Variants in IPP observed in about 807,000 individuals in gnomAD.
IPP encodes the protein intracisternal A particle-promoted polypeptide, also known as actin-binding protein IPP.
IPP carries 41 observed loss-of-function variants against 64.1 expected under a neutral mutation model. The observed-to-expected ratio is 0.64, with a 90% CI of 0.50 to 0.83. The LOEUF is 0.83. Among genes scored for constraint, IPP ranks in the 40% least tolerant of loss-of-function variants. The probability of loss-of-function intolerance (pLI) is 0.00; values close to 1 mark genes in which losing one functional copy is unlikely to be tolerated. For missense variants in IPP, 649 were observed against 703.0 expected (o/e 0.92, Z 0.87); for synonymous variants, 214 against 235.2 (o/e 0.91, Z 0.83).
intron 2 of IPP, among the ~76,000 whole-genome samples, chr1:45,744,068 G>A (rs1646102396): frequency 6.7e-6 from 1 of 150,278 alleles, no homozygotes; most frequent in Non-Finnish European, 1.5e-5. Flanking sequence ...AGAACTTTAA[G>A]ACAGAAAAAC....
intron 8 of IPP, among the ~76,000 whole-genome samples, chr1:45,703,075 G>A (rs1395643079): frequency 1.3e-5 from 2 of 151,856 alleles, no homozygotes; most frequent in African/African-American, 4.8e-5. Flanking sequence ...GATTTAAGAA[G>A]TAAAACAATC....
intron 3 of IPP, among the ~76,000 whole-genome samples, chr1:45,733,393 C>T (rs1466577704): frequency 6.6e-6 from 1 of 151,486 alleles, no homozygotes; most frequent in Non-Finnish European, 1.5e-5. Context: ...ACCACTGACT[C>T]CAGCCTGGGT....
At position 45,740,967 on chromosome 1, in the gene IPP, C is replaced by A; in HGVS notation, c.658G>T (p.Val220Leu). The A allele has an allele frequency of 6.2e-7, 1 of 1,613,810 alleles. No homozygotes were observed. Among genetic ancestry groups the A allele is most frequent in the Non-Finnish European group, 8.5e-7 (1 of 1,179,824 alleles). Reference sequence around the variant, plus strand: ...AATCGAATTGGGTCTAGCACTTCCACCACATGTTTTCTTCTTTTTCCCAAA... The same window carrying A: ...AATCGAATTGGGTCTAGCACTTCCAACACATGTTTTCTTCTTTTTCCCAAA... Reference protein sequence around the residue: ...KDLGKRRKHVVEVLDPIRFPL... With the variant: ...KDLGKRRKHVLEVLDPIRFPL... Residue 220 changes from valine (V) to leucine (L), a missense_variant, in exon 3 of 9, where the codon GTG (valine) becomes TTG (leucine). Val to Leu is a conservative substitution (Grantham distance 32). Transcript: ENST00000396478.
intron 1 of IPP, among the ~76,000 whole-genome samples, chr1:45,750,387 G>T (rs886076118): frequency 1.3e-5 from 2 of 152,244 alleles, no homozygotes; most frequent in African/African-American, 4.8e-5. Context: ...TGGGGCGGGG[G>T]AGGCAGGAGC....
chr1:45,699,622 T>C lies in IPP; in HGVS notation c.*344A>G. 1 of 1,034,998 alleles carries C rather than the reference T, an allele frequency of 9.7e-7. No homozygotes were observed. The highest frequency in any genetic ancestry group is 1.2e-6 in the Non-Finnish European group (1 of 858,488). 64.1% of individuals were successfully genotyped at this position (1,034,998 alleles called of 1,614,324 possible). On this transcript the variant is annotated 3_prime_UTR_variant, in exon 9 of 9. Coordinates refer to ENST00000396478, the MANE Select transcript of IPP (RefSeq NM_005897.3). ...TCTTTATTAATTGGGATATATTCCA[T>C]ATCCATTCTCACTCATATTTTTAGA...
intron 5 of IPP, 33 bp from the exon 6 acceptor site, chr1:45,719,373 G>C (rs1413454390): frequency 2.1e-6 from 3 of 1,432,314 alleles, no homozygotes; most frequent in Non-Finnish European, 2.9e-6. Context: ...ATATTATAAA[G>C]TTTAGTAATG....
chr1:45,700,264 G>T (rs959355675), intron 8 of IPP, 74 bp from the exon 9 acceptor site: 21 of 1,515,004 alleles, frequency 1.4e-5, no homozygotes, highest in Non-Finnish European at 1.7e-5. Context: ...TGAGAAATTC[G>T]ATATCCCAGT....
chr1:45,735,681 G>C (rs1211086282), intron 3 of IPP, among the ~76,000 whole-genome samples: 21 of 139,378 alleles, frequency 1.5e-4, no homozygotes, highest in Non-Finnish European at 1.5e-5. Context: ...CCAGGCTGGA[G>C]TGCAGTGGTG....
chr1:45,739,242 G>A (rs982706436), intron 3 of IPP, among the ~76,000 whole-genome samples: 9 of 152,050 alleles, frequency 5.9e-5, no homozygotes, highest in Non-Finnish European at 1.0e-4. Context: ...CATGACAAGA[G>A]TAAAAACTTC....
intron 8 of IPP, 134 bp from the exon 9 acceptor site, chr1:45,700,324 A>T: frequency 7.7e-7 from 1 of 1,295,580 alleles, no homozygotes. Flanking sequence ...AAGCATACAG[A>T]TTTTTTTTTC....
chr1:45,709,033 C>CAAAAAAAA (rs71058700), intron 8 of IPP, among the ~76,000 whole-genome samples: 1 of 58,164 alleles, frequency 1.7e-5, no homozygotes. Context: ...GACTCCATCT[C>CAAAAAAAA]AAAAAAAAAA....
intron 1 of IPP, among the ~76,000 whole-genome samples, chr1:45,750,123 T>A (rs1570070608): frequency 6.6e-6 from 1 of 152,226 alleles, no homozygotes; most frequent in South Asian, 2.1e-4. Context: ...GTTTGCTGGC[T>A]TTGAATTCAC....
chr1:45,700,007 T>C lies in IPP; in HGVS notation c.1714A>G (p.Met572Val), dbSNP rs775770490. The C allele has an allele frequency of 1.2e-6, 2 of 1,614,226 alleles. No homozygotes were observed. The change falls in exon 9 of 9, where the codon ATG (methionine) becomes GTG (valine). Residue 572 changes from methionine to valine, a missense_variant. Met to Val is a conservative substitution (Grantham distance 21). Coordinates refer to ENST00000396478, the MANE Select transcript of IPP (RefSeq NM_005897.3). ...HSDTWTEIGN[M>V]ITSRCEGGVA... ...CCCCCTTCACAACGACTGGTGATCA[T>C]GTTACCAATTTCTGTCCATGTATCT...
At chr1:45,726,007 A>T (rs1159835450) in intron 5 of IPP, among the ~76,000 whole-genome samples, 1 of 145,968 alleles carries the variant, frequency 6.9e-6, no homozygotes, top group East Asian at 2.0e-4. Context: ...TCACTTGTTT[A>T]TCTGCTGACC....
chr1:45,726,038 T>A (rs1297748569), intron 5 of IPP, among the ~76,000 whole-genome samples: 1 of 146,638 alleles, frequency 6.8e-6, no homozygotes, highest in Non-Finnish European at 1.5e-5. Flanking sequence ...TATTGTCCTA[T>A]GACCCTGCCA....
In IPP at chr1:45,716,985, T is replaced by C. The variant is rs1645668108; in HGVS notation, c.1219A>G (p.Ile407Val). ...GWVGAEIGNT[I>V]ERFDPDENKW... is the part of the protein sequence containing the mutation. The stretch of plus-strand genomic sequence containing the variant: ...TTTTCATCAGGATCAAATCGTTCAA[T>C]GGTGTTCCCTATCTCAGCTCCAACC... Residue 407 changes from isoleucine to valine, a missense_variant, in exon 7 of 9, where the codon ATT becomes GTT. Coordinates refer to ENST00000396478, the MANE Select transcript of IPP (RefSeq NM_005897.3). 1 of 1,613,272 alleles carries C rather than the reference T, an allele frequency of 6.2e-7. No homozygotes were observed. The highest frequency in any genetic ancestry group is 1.3e-5 in the African/African-American group (1 of 74,910).
intron 6 of IPP, among the ~76,000 whole-genome samples, chr1:45,718,080 TAATC>T (rs763386753): frequency 1.3e-4 from 20 of 152,186 alleles, no homozygotes; most frequent in Non-Finnish European, 2.2e-4. Flanking sequence ...GTTACACAGA[TAATC>T]AAAGTAGAAT....
downstream of IPP, among the ~76,000 whole-genome samples, chr1:45,695,274 C>T (rs528668185): frequency 6.6e-6 from 1 of 152,292 alleles, no homozygotes; most frequent in African/African-American, 2.4e-5. Flanking sequence ...AAGCAATTCT[C>T]CCACCTCAGC....
chr1:45,694,455 T>C (rs1281350001), downstream of IPP: 10 of 1,541,574 alleles, frequency 6.5e-6, no homozygotes, highest in Non-Finnish European at 8.8e-6. Flanking sequence ...AGTCTTGTGA[T>C]CATTGAAAAG....
Sources: allele counts gnomAD v4.1 joint callset (sites outside exome capture counted in the v4.1 genomes callset), GRCh38; gene constraint gnomAD v4.1.1; transcripts MANE v1.5; gene names NCBI Gene and HGNC (gene_info 2026-07-23, HGNC 2026-07-21).